Variants in BNC2 observed in about 807,000 individuals in gnomAD.
BNC2 encodes basonuclin zinc finger protein 2, also known as zinc finger protein basonuclin-2.
A neutral mutation model predicts 76.3 loss-of-function variants in BNC2; 20 were observed. That is an observed-to-expected ratio of 0.26 (90% CI 0.18 to 0.38). The LOEUF (loss-of-function observed/expected upper bound fraction) is 0.38. Among genes scored for constraint, BNC2 ranks in the 10% least tolerant of loss-of-function variants. The pLI, the probability that BNC2 is intolerant of heterozygous loss-of-function variation, is 1.00. For synonymous variants in BNC2, 582 were observed against 514.8 expected, an observed-to-expected ratio of 1.13 and a Z score of -1.77; for missense variants, 1,382 against 1,399.8, an observed-to-expected ratio of 0.99 and a Z score of 0.20.
chr9:16,552,590 C>T lies in BNC2; in HGVS notation c.609G>A (p.Leu203=), dbSNP rs1178228894. The part of the protein sequence containing the change: ...LFSVLKQEEV[L]HILHGLGWTL... ...TCCAGCCAAGGCCGTGCAGTATGTG[C>T]AGTACCTCCTCTTGCTTCAGGACGC... is the stretch of plus-strand genomic sequence containing the variant. The change falls in exon 5 of 7, where the codon CTG becomes CTA. Residue 203 remains leucine, a synonymous_variant. Coordinates refer to ENST00000380672, the MANE Select transcript of BNC2 (RefSeq NM_017637.6). The T allele has an allele frequency of 2.5e-6, 4 of 1,614,224 alleles. No homozygotes were observed. Among genetic ancestry groups the T allele is most frequent in the East Asian group, 4.5e-5 (2 of 44,874 alleles).
In BNC2 at chr9:16,436,666, A is replaced by C; in HGVS notation, c.1528T>G (p.Leu510Val). 6.2e-7 allele frequency: 1 copy of C among 1,614,066 alleles called. No individual in the cohort carries two copies. Among genetic ancestry groups the C allele is most frequent in the Non-Finnish European group, 8.5e-7 (1 of 1,180,008 alleles). Residue 510 changes from leucine (L) to valine (V), a missense_variant, in exon 6 of 7, where the codon TTA becomes GTA. Coordinates refer to ENST00000380672, the MANE Select transcript of BNC2 (RefSeq NM_017637.6). ...GCAGCTCCTGAGGTGGCCCGAATTA[A>C]ATCTTTATCTCGGTTATTCCTTAGC... ...PMLRNNRDKD[L>V]IRATSGAATP... is the part of the protein sequence containing the mutation.
chr9:16,832,037 A>C (rs192454749), intron 1 of BNC2, among the ~76,000 whole-genome samples: 88 of 152,348 alleles, frequency 5.8e-4, no homozygotes, highest in African/African-American at 2.0e-3. Flanking sequence ...TTGAATCCTC[A>C]AGCAAAACAA....
intron 3 of BNC2, among the ~76,000 whole-genome samples, chr9:16,651,093 ATAAAGG>A (rs897898608): frequency 1.8e-4 from 27 of 152,338 alleles, no homozygotes; most frequent in Admixed American, 1.6e-3. Flanking sequence ...TAATGAAAAA[ATAAAGG>A]TAAAGTGTTG....
chr9:16,482,720 T>C (rs1822085559), intron 5 of BNC2, among the ~76,000 whole-genome samples: 1 of 152,208 alleles, frequency 6.6e-6, no homozygotes, highest in African/African-American at 2.4e-5. Context: ...CCCTTCCCTC[T>C]GTGTTTCTAA....
chr9:16,677,173 C>T (rs1333438648), intron 3 of BNC2, among the ~76,000 whole-genome samples: 1 of 152,146 alleles, frequency 6.6e-6, no homozygotes, highest in Non-Finnish European at 1.5e-5. Context: ...TAGCCAAAAG[C>T]TAATACACAG....
chr9:16,713,240 G>A (rs1823900732), intron 3 of BNC2, among the ~76,000 whole-genome samples: 2 of 152,050 alleles, frequency 1.3e-5, no homozygotes, highest in Admixed American at 6.6e-5. Flanking sequence ...TAGGAATAAA[G>A]CTGCAAAGGG....
intron 1 of BNC2, among the ~76,000 whole-genome samples, chr9:16,816,699 C>T (rs538070395): frequency 6.6e-6 from 1 of 152,290 alleles, no homozygotes; most frequent in East Asian, 1.9e-4. Context: ...ACAATACACA[C>T]ACACAAACAT....
At chr9:16,445,907 T>C (rs1412278415) in intron 5 of BNC2, among the ~76,000 whole-genome samples, 2 of 152,198 alleles carry the variant, frequency 1.3e-5, no homozygotes, top group Non-Finnish European at 2.9e-5. Context: ...TTGAAATATC[T>C]TTCCTATTCT....
intron 3 of BNC2, among the ~76,000 whole-genome samples, chr9:16,641,143 A>C: frequency 6.6e-6 from 1 of 152,226 alleles, no homozygotes. Context: ...AATCATTACC[A>C]GAAAAGTTCA....
At chr9:16,688,255 T>C (rs544486668) in intron 3 of BNC2, among the ~76,000 whole-genome samples, 1 of 152,162 alleles carries the variant, frequency 6.6e-6, no homozygotes, top group Non-Finnish European at 1.5e-5. Flanking sequence ...CAAAATGTAC[T>C]AAGGAAGATA....
At chr9:16,780,523 G>A (rs1310992494) in intron 1 of BNC2, among the ~76,000 whole-genome samples, 3 of 150,532 alleles carry the variant, frequency 2.0e-5, no homozygotes, top group Non-Finnish European at 4.4e-5. Flanking sequence ...AGTGAGCCGA[G>A]ATCACACCAC....
chr9:16,546,580 A>T (rs1458143251), intron 5 of BNC2, among the ~76,000 whole-genome samples: 1 of 152,240 alleles, frequency 6.6e-6, no homozygotes, highest in East Asian at 1.9e-4. Flanking sequence ...ATCTGGTTTT[A>T]GTCACAGAAA....
intron 1 of BNC2, among the ~76,000 whole-genome samples, chr9:16,851,739 C>G (rs1238592482): frequency 6.6e-6 from 1 of 152,102 alleles, no homozygotes; most frequent in Non-Finnish European, 1.5e-5. Flanking sequence ...CAAGCCTGAA[C>G]TATTAAAAAT....
At chr9:16,656,095 G>C (rs1821921749) in intron 3 of BNC2, among the ~76,000 whole-genome samples, 1 of 152,230 alleles carries the variant, frequency 6.6e-6, no homozygotes, top group Non-Finnish European at 1.5e-5. Flanking sequence ...GTTACTGGTA[G>C]CTATGAGTAG....
chr9:16,592,878 G>T (rs2133197281), intron 3 of BNC2, among the ~76,000 whole-genome samples: 1 of 152,156 alleles, frequency 6.6e-6, no homozygotes, highest in Middle Eastern at 3.4e-3. Flanking sequence ...AAATTTTACT[G>T]TTGCTTATAT....
chr9:16,575,175 T>C (rs1452757741), intron 4 of BNC2: 1 of 734,928 alleles, frequency 1.4e-6, no homozygotes, highest in Non-Finnish European at 1.7e-6. Context: ...GGCAAGATTC[T>C]ACCTACAGTA....
chr9:16,437,627 C>T, intron 5 of BNC2, 103 bp from the exon 6 acceptor site: 2 of 1,375,896 alleles, frequency 1.5e-6, no homozygotes, highest in Middle Eastern at 1.8e-4. Context: ...TCATAAAACA[C>T]TGAGCAAGAG....
chr9:16,485,114 A>ACG (rs1433787546), intron 5 of BNC2, among the ~76,000 whole-genome samples: 1 of 113,564 alleles, frequency 8.8e-6, no homozygotes, highest in African/African-American at 5.3e-5. Flanking sequence ...ACACACAGAC[A>ACG]CACACACACA....
intron 1 of BNC2, among the ~76,000 whole-genome samples, chr9:16,825,856 G>A (rs1818442251): frequency 6.6e-6 from 1 of 151,778 alleles, no homozygotes; most frequent in South Asian, 2.1e-4. Flanking sequence ...TCTTTCACCT[G>A]AGCATAACTG....
Sources: allele counts gnomAD v4.1 joint callset (sites outside exome capture counted in the v4.1 genomes callset), GRCh38; gene constraint gnomAD v4.1.1; transcripts MANE v1.5; gene names NCBI Gene and HGNC (gene_info 2026-07-23, HGNC 2026-07-21).